The following CFAP300 variants were observed in gnomAD, a reference collection of about 807,000 sequenced individuals.
The protein encoded by CFAP300 is cilia and flagella associated protein 300.
A neutral mutation model predicts 33.0 loss-of-function variants in CFAP300; 32 were observed. The ratio of observed to expected loss-of-function variants is 0.97; its 90% CI spans 0.73 to 1.30. The LOEUF is 1.30. CFAP300 is among the 50% of genes most tolerant of loss of function. CFAP300 has a pLI of 0.00. For missense variants in CFAP300, 356 were observed against 318.1 expected (o/e 1.12, Z -0.90); for synonymous variants, 102 against 106.8 (o/e 0.95, Z 0.28).
chr11:102,062,524 A>C (rs1027513882), intron 3 of CFAP300, among the ~76,000 whole-genome samples: 1 of 152,166 alleles, frequency 6.6e-6, no homozygotes, highest in Non-Finnish European at 1.5e-5. Flanking sequence ...AACTTGGATG[A>C]ACTGTTTTCT....
chr11:102,065,788 T>G (rs953928049), intron 3 of CFAP300, among the ~76,000 whole-genome samples: 3 of 151,938 alleles, frequency 2.0e-5, no homozygotes, highest in Admixed American at 2.0e-4. Flanking sequence ...AAAAGTGAGT[T>G]ATAAAGCATT....
At chr11:102,070,464 A>T (rs557816919) in intron 4 of CFAP300, among the ~76,000 whole-genome samples, 6 of 152,288 alleles carry the variant, frequency 3.9e-5, no homozygotes, top group African/African-American at 1.4e-4. Flanking sequence ...TTACCCTTGT[A>T]TGGTAGTGTT....
intron 4 of CFAP300, among the ~76,000 whole-genome samples, chr11:102,073,338 G>A (rs1942341702): frequency 6.6e-6 from 1 of 152,210 alleles, no homozygotes; most frequent in South Asian, 2.1e-4. Flanking sequence ...CTGCTATGGT[G>A]GTAGCCAGTT....
intron 4 of CFAP300, among the ~76,000 whole-genome samples, chr11:102,071,147 A>G (rs752850791): frequency 6.6e-6 from 1 of 152,142 alleles, no homozygotes; most frequent in African/African-American, 2.4e-5. Flanking sequence ...TTTCCCAACT[A>G]TTACTGTATT....
At chr11:102,073,280 G>A (rs1181439339) in intron 4 of CFAP300, among the ~76,000 whole-genome samples, 1 of 152,148 alleles carries the variant, frequency 6.6e-6, no homozygotes, top group Non-Finnish European at 1.5e-5. Context: ...GATGTGCTAG[G>A]CAGGCCAATC....
In CFAP300 at chr11:102,079,900, G is replaced by A. The variant is rs138065145; in HGVS notation, c.609-1315G>A. ...TAGCTTATCTTAATTATAGCATTTAGCTTCTTTAGTTATATTGTCCATAAA... is the reference window on the plus strand; with the variant it reads ...TAGCTTATCTTAATTATAGCATTTAACTTCTTTAGTTATATTGTCCATAAA... On this transcript the variant is annotated intron_variant, in intron 5 of 6. Transcript: ENST00000434758. Among the ~76,000 whole-genome samples, 917 of 152,184 alleles carry A rather than the reference G, an allele frequency of 6.0e-3. 7 individuals are homozygous for A. The highest frequency in any genetic ancestry group is 0.014 in the Middle Eastern group (4 of 294).
At chr11:102,056,257 A>C (rs1942055082) in intron 2 of CFAP300, among the ~76,000 whole-genome samples, 1 of 152,212 alleles carries the variant, frequency 6.6e-6, no homozygotes, top group African/African-American at 2.4e-5. Context: ...TTGACACTAC[A>C]AACCATACTA....
At position 102,079,004 on chromosome 11, in the gene CFAP300, C is replaced by T. The variant is rs540117529; in HGVS notation, c.609-2211C>T. ...GGATTACAGGTGTGAGCCACCGTGCCCGGCCGATATACTTGTGGTACATGT... is the reference window on the plus strand; with the variant it reads ...GGATTACAGGTGTGAGCCACCGTGCTCGGCCGATATACTTGTGGTACATGT... On this transcript the variant is annotated intron_variant, in intron 5 of 6. Transcript: ENST00000434758. Among the ~76,000 whole-genome samples, 6 of 152,286 alleles carry T rather than the reference C, an allele frequency of 3.9e-5. No individual in the cohort carries two copies. In the South Asian group the frequency reaches 1.2e-3, roughly 32 times the overall value.
chr11:102,052,786 G>C (rs1255646566), intron 2 of CFAP300, among the ~76,000 whole-genome samples: 1 of 152,164 alleles, frequency 6.6e-6, no homozygotes, highest in Non-Finnish European at 1.5e-5. Context: ...CTCCTTGACT[G>C]ATGAGGACAT....
Position 102,081,296 on chromosome 11 carries a change from ACT to A in CFAP300, c.675+16_675+17del, listed in dbSNP as rs1942469461. The A allele has an allele frequency of 6.2e-7, 1 of 1,601,332 alleles. No homozygotes were observed. The highest frequency in any genetic ancestry group is 1.7e-5 in the Admixed American group (1 of 59,882). On this transcript the variant is annotated intron_variant, in intron 6 of 6. Coordinates refer to ENST00000434758, the MANE Select transcript of CFAP300 (RefSeq NM_032930.3). The stretch of plus-strand genomic sequence containing the variant: ...TTTCAGCTTATGTAAGTGTGAGAGA[ACT>A]TTTGCAACCAAAGAATTTAATTACT...
Position 102,047,874 on chromosome 11 carries a change from A to G in CFAP300, c.170A>G (p.Tyr57Cys), listed in dbSNP as rs754103009. 5 of 1,614,180 alleles carry G rather than the reference A, an allele frequency of 3.1e-6. No individual in the cohort carries two copies. The highest frequency in any genetic ancestry group is 3.4e-6 in the Non-Finnish European group (4 of 1,180,026). The change falls in exon 2 of 7, where the codon TAT becomes TGT. Residue 57 changes from tyrosine (Y) to cysteine (C), a missense_variant. Coordinates refer to ENST00000434758, the MANE Select transcript of CFAP300 (RefSeq NM_032930.3). Reference sequence around the variant, plus strand: ...GGCTTTGACCAGACCTTTCAGTCCTATCGGAAGGATGATTTCGTTATGGTT... The same window carrying G: ...GGCTTTGACCAGACCTTTCAGTCCTGTCGGAAGGATGATTTCGTTATGGTT... ...AFGFDQTFQS[Y>C]RKDDFVMAFF...
chr11:102,053,947 T>TA (rs796528084), intron 2 of CFAP300, among the ~76,000 whole-genome samples: 1 of 152,218 alleles, frequency 6.6e-6, no homozygotes, highest in African/African-American at 2.4e-5. Context: ...CCTTCATACT[T>TA]ACCATTTTCT....
chr11:102,082,854 G>A (rs985049867), intron 6 of CFAP300, among the ~76,000 whole-genome samples: 5 of 152,020 alleles, frequency 3.3e-5, no homozygotes, highest in African/African-American at 1.2e-4. Context: ...AAAATTAGCT[G>A]GGCATGGTGG....
At position 102,066,576 on chromosome 11, in the gene CFAP300, A is replaced by G. The variant is rs2135034288; in HGVS notation, c.360A>G (p.Val120=). The change falls in exon 4 of 7, where the codon GTA becomes GTG. Residue 120 remains valine (V), a synonymous_variant. Coordinates refer to ENST00000434758, the MANE Select transcript of CFAP300 (RefSeq NM_032930.3). ...FFHRLYDEDI[V]RDSGHIVKCL... ...ATCGGTTATATGATGAAGATATTGTACGAGACAGTGGACATATTGTTAAAT... is the reference window on the plus strand; with the variant it reads ...ATCGGTTATATGATGAAGATATTGTGCGAGACAGTGGACATATTGTTAAAT... The G allele has an allele frequency of 6.2e-7, 1 of 1,611,928 alleles. No homozygotes were observed. The highest frequency in any genetic ancestry group is 1.7e-4 in the Middle Eastern group (1 of 5,924).
intron 6 of CFAP300, among the ~76,000 whole-genome samples, chr11:102,082,212 A>C (rs1942483430): frequency 6.6e-6 from 1 of 150,914 alleles, no homozygotes; most frequent in African/African-American, 2.5e-5. Flanking sequence ...CCATCTCTAC[A>C]AAAAATACAA....
At chr11:102,050,305 G>T (rs1384466615) in intron 2 of CFAP300, among the ~76,000 whole-genome samples, 1 of 152,110 alleles carries the variant, frequency 6.6e-6, no homozygotes, top group East Asian at 1.9e-4. Flanking sequence ...ATTCAGAAAG[G>T]TTACATAATT....
chr11:102,083,279 A>G lies in CFAP300; in HGVS notation c.*80A>G. The stretch of plus-strand genomic sequence containing the variant: ...AATACTAACTTATAGATAAACATAT[A>G]CTTTGCAAATTAATTCAAGAAAAAT... On this transcript the variant is annotated 3_prime_UTR_variant, in exon 7 of 7. Transcript: ENST00000434758. 9.6e-6 allele frequency: 11 copies of G among 1,144,744 alleles called. No individual in the cohort carries two copies. The highest frequency in any genetic ancestry group is 6.5e-5 in the South Asian group (2 of 30,770). The allele number at this position is 1,144,744 out of a possible 1,614,324, so 70.9% of individuals were successfully genotyped here.
chr11:102,074,079 G>C (rs1409037832), intron 4 of CFAP300, among the ~76,000 whole-genome samples: 1 of 152,176 alleles, frequency 6.6e-6, no homozygotes, highest in Non-Finnish European at 1.5e-5. Context: ...CAGAGTCCAT[G>C]TGGACATTTG....
chr11:102,076,434 C>G lies in CFAP300; in HGVS notation c.608+389C>G, dbSNP rs182834863. On this transcript the variant is annotated intron_variant, in intron 5 of 6. Transcript: ENST00000434758. Reference sequence around the variant, plus strand: ...AGTAAAAACAATTATTACCTTTGTTCCAAAGAAGTGGAAGAATTTTCACGT... The same window carrying G: ...AGTAAAAACAATTATTACCTTTGTTGCAAAGAAGTGGAAGAATTTTCACGT... Among the ~76,000 whole-genome samples the G allele has an allele frequency of 4.7e-3, 715 of 152,286 alleles. 9 individuals are homozygous for G. The highest frequency in any genetic ancestry group is 0.017 in the African/African-American group (688 of 41,576).
Sources: allele counts gnomAD v4.1 joint callset (sites outside exome capture counted in the v4.1 genomes callset), GRCh38; gene constraint gnomAD v4.1.1; transcripts MANE v1.5; gene names NCBI Gene and HGNC (gene_info 2026-07-23, HGNC 2026-07-21).